The following BCKDHA variants were observed in gnomAD, a reference collection of about 807,000 sequenced individuals.
BCKDHA encodes the protein branched chain keto acid dehydrogenase E1 subunit alpha, also known as 2-oxoisovalerate dehydrogenase subunit alpha, mitochondrial.
In BCKDHA, 43 loss-of-function variants were observed where a neutral mutation model predicts 52.2. The ratio of observed to expected loss-of-function variants is 0.82; its 90% CI spans 0.64 to 1.06. The LOEUF (loss-of-function observed/expected upper bound fraction) is 1.06. Among genes scored for constraint, BCKDHA ranks in the 50% least tolerant of loss-of-function variants. The pLI, the probability that BCKDHA is intolerant of heterozygous loss-of-function variation, is 0.00. For synonymous variants in BCKDHA, 234 were observed against 247.9 expected, an observed-to-expected ratio of 0.94 and a Z score of 0.53; for missense variants, 527 against 621.3, an observed-to-expected ratio of 0.85 and a Z score of 1.61.
intron 1 of BCKDHA, among the ~76,000 whole-genome samples, chr19:41,402,404 T>G (rs1207112928): frequency 6.6e-6 from 1 of 152,068 alleles, no homozygotes; most frequent in African/African-American, 2.4e-5. Context: ...CACTGAATGG[T>G]TTACAAATCC....
At chr19:41,422,962 G>C in intron 7 of BCKDHA, 36 bp from the exon 8 acceptor site, 2 of 1,596,900 alleles carry the variant, frequency 1.3e-6, no homozygotes, top group Non-Finnish European at 1.7e-6. Context: ...ACTCCAGGGA[G>C]CCCACACTGA....
intron 6 of BCKDHA, 117 bp from the exon 7 acceptor site, chr19:41,422,512 A>T (rs1463386794): frequency 1.9e-5 from 30 of 1,575,190 alleles, no homozygotes; most frequent in Non-Finnish European, 2.5e-5. Flanking sequence ...CAGCCACAGG[A>T]GTTGAGGTCC....
rs529015885 is a variant in BCKDHA at position 41,424,381 on chromosome 19, A to C, written c.1168-57A>C. 32 of 1,600,948 alleles carry C rather than the reference A, an allele frequency of 2.0e-5. 2 individuals are homozygous for C. In the South Asian group the frequency reaches 3.5e-4, roughly 18 times the overall value. ...TTCCTTGCCAAGGCCCCGCAGGAGG[A>C]AGCAGGGTCCTGCATGGGAGGCCGG... On this transcript the variant is annotated intron_variant, in intron 8 of 8. Coordinates refer to ENST00000269980, the MANE Select transcript of BCKDHA (RefSeq NM_000709.4).
At chr19:41,418,352 G>GTCT (rs2039328314) in intron 4 of BCKDHA, among the ~76,000 whole-genome samples, 1 of 152,144 alleles carries the variant, frequency 6.6e-6, no homozygotes, top group Non-Finnish European at 1.5e-5. Flanking sequence ...ACCCCCTTCT[G>GTCT]TCTTCTAACT....
chr19:41,410,881 T>A lies in BCKDHA; in HGVS notation c.289-42T>A, dbSNP rs1268064331. 3 of 1,613,780 alleles carry A rather than the reference T, an allele frequency of 1.9e-6. No individual in the cohort carries two copies. In the Admixed American group the frequency reaches 5.0e-5, roughly 27 times the overall value. ...CCAGGCCCCTTGCCTGTCTCCTCTCTGGTCCCAACTGCCCCACGTCTATCT... is the reference window on the plus strand; with the variant it reads ...CCAGGCCCCTTGCCTGTCTCCTCTCAGGTCCCAACTGCCCCACGTCTATCT... On this transcript the variant is annotated intron_variant, in intron 2 of 8. Coordinates refer to ENST00000269980, the MANE Select transcript of BCKDHA (RefSeq NM_000709.4).
At chr19:41,419,329 G>A (rs950557491) in intron 5 of BCKDHA, 33 bp downstream of exon 5, 1 of 1,592,738 alleles carries the variant, frequency 6.3e-7, no homozygotes, top group African/African-American at 1.3e-5. Flanking sequence ...TTGCACATGT[G>A]CAGACCAATG....
intron 4 of BCKDHA, among the ~76,000 whole-genome samples, chr19:41,417,046 C>T (rs552434057): frequency 6.6e-6 from 1 of 152,280 alleles, no homozygotes; most frequent in East Asian, 1.9e-4. Context: ...GGGTCTTACT[C>T]TGTCACCCAG....
chr19:41,412,380 C>CTTTTTTTTTTTTTTTTTTTTTTTTTTT lies in BCKDHA; in HGVS notation c.375+1389_375+1390insTTTTTTTTTTTTTTTTTTTTTTTTTTT, dbSNP rs530972813. The stretch of plus-strand genomic sequence containing the variant: ...TCATTCCCTCTGTCTGTAGATATTT[C>CTTTTTTTTTTTTTTTTTTTTTTTTTTT]TTTTTTTTTTTTTTTTTTACTTTTG... On this transcript the variant is annotated intron_variant, in intron 3 of 8. Transcript: ENST00000269980. Among the ~76,000 whole-genome samples, 57 of 65,862 alleles carry CTTTTTTTTTTTTTTTTTTTTTTTTTTT rather than the reference C, an allele frequency of 8.7e-4. 9 individuals carry two copies. Among genetic ancestry groups the CTTTTTTTTTTTTTTTTTTTTTTTTTTT allele is most frequent in the East Asian group, 1.5e-3 (4 of 2,670 alleles). 43.2% of individuals were successfully genotyped at this position (65,862 alleles called of 152,430 possible). A position where few individuals can be genotyped will look rare whatever the true frequency, so the allele number is the denominator to read the frequency against.
At chr19:41,402,540 C>G (rs891908030) in intron 1 of BCKDHA, among the ~76,000 whole-genome samples, 4 of 152,110 alleles carry the variant, frequency 2.6e-5, no homozygotes, top group African/African-American at 9.7e-5. Flanking sequence ...CTCTGGACTC[C>G]AAAACCCAGT....
intron 4 of BCKDHA, among the ~76,000 whole-genome samples, chr19:41,416,281 A>G (rs946379581): frequency 6.6e-6 from 1 of 152,068 alleles, no homozygotes; most frequent in Non-Finnish European, 1.5e-5. Context: ...TTAGCCTCGG[A>G]GACTGTCATT....
chr19:41,401,985 G>C (rs1324746208), intron 1 of BCKDHA, among the ~76,000 whole-genome samples: 1 of 152,148 alleles, frequency 6.6e-6, no homozygotes, highest in Non-Finnish European at 1.5e-5. Context: ...AGAAAAAGAG[G>C]CTTAATGGAC....
chr19:41,424,053 C>T (rs2039400488), intron 8 of BCKDHA, among the ~76,000 whole-genome samples: 1 of 152,056 alleles, frequency 6.6e-6, no homozygotes, highest in African/African-American at 2.4e-5. Context: ...TGTACATGCC[C>T]TGCCCAGAGT....
At chr19:41,405,156 G>T (rs940228059) in intron 1 of BCKDHA, among the ~76,000 whole-genome samples, 11 of 152,178 alleles carry the variant, frequency 7.2e-5, no homozygotes, top group African/African-American at 2.7e-4. Context: ...GAAACATTAT[G>T]TGCCAGGCAC....
chr19:41,405,160 C>T (rs1339572830), intron 1 of BCKDHA, among the ~76,000 whole-genome samples: 1 of 152,148 alleles, frequency 6.6e-6, no homozygotes, highest in Non-Finnish European at 1.5e-5. Context: ...CATTATGTGC[C>T]AGGCACTGGG....
chr19:41,421,389 GT>G (rs1767175039), intron 5 of BCKDHA, among the ~76,000 whole-genome samples: 1 of 152,150 alleles, frequency 6.6e-6, no homozygotes, highest in African/African-American at 2.4e-5. Context: ...CCAGCCGGGT[GT>G]GGTGCACTGT....
chr19:41,408,024 C>T (rs917474061), intron 1 of BCKDHA, among the ~76,000 whole-genome samples: 5 of 148,938 alleles, frequency 3.4e-5, no homozygotes, highest in African/African-American at 1.2e-4. Context: ...GGCACAGTCT[C>T]AGCTCACTAC....
intron 7 of BCKDHA, 37 bp downstream of exon 7, chr19:41,422,807 C>G (rs1367285426): frequency 6.2e-7 from 1 of 1,611,816 alleles, no homozygotes; most frequent in South Asian, 1.1e-5. Context: ...CCCCACAGCA[C>G]TGACAGCCAC....
In BCKDHA at chr19:41,410,628, C is replaced by T. The variant is rs866091918; in HGVS notation, c.109-9C>T. ...TGATGCAGGTGGTCTCCTCTGCTCT[C>T]TTCCCCAGCACCCCCCCAGGCAGCA... On this transcript the variant is annotated splice_polypyrimidine_tract_variant and intron_variant, in intron 1 of 8. Coordinates refer to ENST00000269980, the MANE Select transcript of BCKDHA (RefSeq NM_000709.4). 2 of 1,614,074 alleles carry T rather than the reference C, an allele frequency of 1.2e-6. No homozygotes were observed. Among genetic ancestry groups the T allele is most frequent in the Admixed American group, 3.3e-5 (2 of 59,998 alleles).
intron 1 of BCKDHA, chr19:41,400,289 G>C (rs568673243): frequency 3.3e-5 from 5 of 151,250 alleles, no homozygotes; most frequent in Admixed American, 2.0e-4. Flanking sequence ...ACCCAAGCTG[G>C]AGTGCAGTGG....
Sources: allele counts gnomAD v4.1 joint callset (sites outside exome capture counted in the v4.1 genomes callset), GRCh38; gene constraint gnomAD v4.1.1; transcripts MANE v1.5; gene names NCBI Gene and HGNC (gene_info 2026-07-23, HGNC 2026-07-21).